FHIT: variants seen among roughly 807,000 people sequenced by gnomAD.
FHIT encodes fragile histidine triad diadenosine triphosphatase.
FHIT carries 19 observed loss-of-function variants against 17.9 expected under a neutral mutation model. The observed-to-expected ratio is 1.06, with a 90% CI of 0.74 to 1.56. FHIT has a LOEUF of 1.56. Among genes scored for constraint, FHIT ranks in the 40% most tolerant of loss-of-function variants. The pLI, the probability that FHIT is intolerant of heterozygous loss-of-function variation, is 0.00. For missense variants in FHIT, 248 were observed against 189.2 expected, an observed-to-expected ratio of 1.31 and a Z score of -1.82; for synonymous variants, 81 against 69.7, an observed-to-expected ratio of 1.16 and a Z score of -0.81.
chr3:61,213,243 G>A (rs1392905037), intron 1 of FHIT, among the ~76,000 whole-genome samples: 2 of 152,216 alleles, frequency 1.3e-5, no homozygotes, highest in African/African-American at 4.8e-5. Flanking sequence ...CCATCAGTGT[G>A]CTGTATTCAG....
At chr3:60,624,055 C>G (rs555945338) in intron 4 of FHIT, among the ~76,000 whole-genome samples, 20 of 152,278 alleles carry the variant, frequency 1.3e-4, no homozygotes, top group Admixed American at 8.5e-4. Flanking sequence ...AAAACTGACT[C>G]AGAGCACATT....
chr3:60,126,211 C>T (rs1006765436), intron 5 of FHIT, among the ~76,000 whole-genome samples: 1 of 152,188 alleles, frequency 6.6e-6, no homozygotes, highest in East Asian at 1.9e-4. Flanking sequence ...TGCAGTACCA[C>T]TCCCTCACCT....
chr3:59,986,733 T>TATATATAAATATATTTATATAA lies in FHIT; in HGVS notation c.279+24637_279+24638insTTATATAAATATATTTATATAT. ...AAATATATACATATATTTATATAAA[T>TATATATAAATATATTTATATAA]ATATACATATATTTATATATATATA... On this transcript the variant is annotated intron_variant, in intron 7 of 9. Coordinates refer to ENST00000492590, the MANE Select transcript of FHIT (RefSeq NM_002012.4). 1.3e-4 allele frequency among the ~76,000 whole-genome samples: 2 copies of TATATATAAATATATTTATATAA among 15,430 alleles called. 1 individual carries two copies. Among genetic ancestry groups the TATATATAAATATATTTATATAA allele is most frequent in the African/African-American group, 3.7e-4 (2 of 5,350 alleles). The allele number at this position is 15,430 out of a possible 152,430, so 10.1% of individuals were successfully genotyped here. A position where few individuals can be genotyped will look rare whatever the true frequency, so the allele number is the denominator to read the frequency against.
intron 2 of FHIT, among the ~76,000 whole-genome samples, chr3:61,127,819 G>A (rs569037109): frequency 5.5e-4 from 84 of 152,080 alleles, no homozygotes; most frequent in East Asian, 2.1e-3. Context: ...GCAGTGAGTC[G>A]AGATCATGCC....
intron 4 of FHIT, among the ~76,000 whole-genome samples, chr3:60,619,033 A>G (rs1553677157): frequency 6.7e-6 from 1 of 148,752 alleles, no homozygotes; most frequent in Non-Finnish European, 1.5e-5. Flanking sequence ...GAACCACAGG[A>G]TGATAAATTT....
At chr3:60,341,986 G>C (rs113385824) in intron 5 of FHIT, among the ~76,000 whole-genome samples, 470 of 152,146 alleles carry the variant, frequency 3.1e-3, no homozygotes, top group African/African-American at 0.011. Flanking sequence ...AATTTATTGG[G>C]TGAAAAAGAA....
At chr3:60,049,983 A>G (rs571900215) in intron 5 of FHIT, among the ~76,000 whole-genome samples, 2 of 152,276 alleles carry the variant, frequency 1.3e-5, no homozygotes, top group East Asian at 1.9e-4. Flanking sequence ...CTTTTGGTCA[A>G]CTTGGTGGTT....
At chr3:60,784,847 AC>A (rs1553726452) in intron 4 of FHIT, among the ~76,000 whole-genome samples, 2 of 152,158 alleles carry the variant, frequency 1.3e-5, no homozygotes, top group Non-Finnish European at 2.9e-5. Context: ...GGCTGAAAAG[AC>A]CAGAATTCTA....
At chr3:60,481,765 A>G (rs1227497612) in intron 5 of FHIT, among the ~76,000 whole-genome samples, 1 of 152,200 alleles carries the variant, frequency 6.6e-6, no homozygotes, top group Admixed American at 6.5e-5. Context: ...AAATTGCATC[A>G]AATAGTATGC....
chr3:60,023,287 A>G (rs1700618116), intron 5 of FHIT, among the ~76,000 whole-genome samples: 1 of 152,236 alleles, frequency 6.6e-6, no homozygotes, highest in African/African-American at 2.4e-5. Flanking sequence ...TCTGCAATTC[A>G]TTGCAGATCT....
chr3:60,371,151 G>A (rs1700310136), intron 5 of FHIT, among the ~76,000 whole-genome samples: 1 of 152,070 alleles, frequency 6.6e-6, no homozygotes, highest in African/African-American at 2.4e-5. Flanking sequence ...TATTTTACTG[G>A]ACTCTATTTG....
chr3:59,957,272 T>G (rs1707451498), intron 7 of FHIT, among the ~76,000 whole-genome samples: 1 of 152,198 alleles, frequency 6.6e-6, no homozygotes, highest in Admixed American at 6.5e-5. Context: ...GGAATTTGGA[T>G]ACACAAAGAG....
intron 3 of FHIT, among the ~76,000 whole-genome samples, chr3:60,968,064 G>T (rs1382963579): frequency 6.6e-6 from 1 of 152,186 alleles, no homozygotes; most frequent in Non-Finnish European, 1.5e-5. Context: ...ATTTTTAAAG[G>T]AAAGTGGCAA....
At chr3:60,563,266 T>C (rs1475332075) in intron 4 of FHIT, among the ~76,000 whole-genome samples, 2 of 152,078 alleles carry the variant, frequency 1.3e-5, no homozygotes, top group Non-Finnish European at 1.5e-5. Flanking sequence ...TACTTACTGA[T>C]GAATAGAAAT....
At chr3:60,449,652 A>C (rs2031586352) in intron 5 of FHIT, among the ~76,000 whole-genome samples, 1 of 152,118 alleles carries the variant, frequency 6.6e-6, no homozygotes, top group Admixed American at 6.6e-5. Context: ...ACTGTAGGTA[A>C]TTGTAACACA....
At chr3:60,219,630 G>C (rs1211047557) in intron 5 of FHIT, among the ~76,000 whole-genome samples, 1 of 152,132 alleles carries the variant, frequency 6.6e-6, no homozygotes, top group Non-Finnish European at 1.5e-5. Context: ...GTTTACTTTT[G>C]TTGAAATGTT....
intron 5 of FHIT, among the ~76,000 whole-genome samples, chr3:60,369,591 G>T (rs1423225778): frequency 6.6e-6 from 1 of 151,912 alleles, no homozygotes; most frequent in African/African-American, 2.4e-5. Context: ...ATCCTTTCAC[G>T]CTTGCTTTTA....
chr3:60,736,791 G>C (rs1490749907), intron 4 of FHIT, among the ~76,000 whole-genome samples: 1 of 152,158 alleles, frequency 6.6e-6, no homozygotes, highest in African/African-American at 2.4e-5. Context: ...ATTGTGCTAT[G>C]TGAATTATTT....
chr3:59,894,913 A>G (rs921338351), intron 8 of FHIT, among the ~76,000 whole-genome samples: 4 of 152,236 alleles, frequency 2.6e-5, no homozygotes, highest in African/African-American at 9.6e-5. Flanking sequence ...CTAACAGGAA[A>G]GGAAACACTT....
Sources: gnomAD v4.1 joint callset for allele counts (sites outside exome capture counted in the v4.1 genomes callset) on GRCh38, gnomAD v4.1.1 for gene constraint, MANE v1.5 for transcripts, NCBI Gene and HGNC (gene_info 2026-07-23, HGNC 2026-07-21) for gene names.